MARCHF1: variants seen among roughly 807,000 people sequenced by gnomAD.
The protein encoded by MARCHF1 is E3 ubiquitin-protein ligase MARCHF1.
A neutral mutation model predicts 54.2 loss-of-function variants in MARCHF1; 40 were observed. The observed-to-expected ratio is 0.74, with a 90% CI of 0.57 to 0.96. MARCHF1 has a LOEUF of 0.96. MARCHF1 is among the 40% of genes least tolerant of loss of function. MARCHF1 has a pLI of 0.00. For synonymous variants in MARCHF1, 236 were observed against 236.3 expected, an observed-to-expected ratio of 1.00 and a Z score of 0.01; for missense variants, 586 against 656.5, an observed-to-expected ratio of 0.89 and a Z score of 1.17.
At chr4:164,187,463 G>A (rs189606166) in intron 1 of MARCHF1, among the ~76,000 whole-genome samples, 1 of 152,160 alleles carries the variant, frequency 6.6e-6, no homozygotes, top group East Asian at 1.9e-4. Context: ...CATGTGTATA[G>A]TATCTACCCA....
intron 7 of MARCHF1, among the ~76,000 whole-genome samples, chr4:163,594,628 A>G (rs906560461): frequency 1.3e-5 from 2 of 152,120 alleles, no homozygotes; most frequent in African/African-American, 4.8e-5. Flanking sequence ...ACATTTCTCC[A>G]AAGAAGACAT....
At chr4:163,727,433 C>T (rs1295899354) in intron 4 of MARCHF1, among the ~76,000 whole-genome samples, 6 of 151,816 alleles carry the variant, frequency 4.0e-5, no homozygotes, top group South Asian at 2.1e-4. Flanking sequence ...TCAGCCTCCC[C>T]AGCAGCTGGG....
chr4:163,871,869 T>C (rs1750176658), intron 3 of MARCHF1, among the ~76,000 whole-genome samples: 1 of 152,192 alleles, frequency 6.6e-6, no homozygotes, highest in South Asian at 2.1e-4. Context: ...GCCAAGAAAA[T>C]TTGTTTTAGA....
At chr4:164,045,165 C>T (rs968755178) in intron 2 of MARCHF1, among the ~76,000 whole-genome samples, 3 of 151,672 alleles carry the variant, frequency 2.0e-5, no homozygotes, top group African/African-American at 7.3e-5. Flanking sequence ...TAAAAAAGGG[C>T]CCTCTAAAAA....
intron 7 of MARCHF1, among the ~76,000 whole-genome samples, chr4:163,607,593 T>C (rs1396942583): frequency 6.6e-6 from 1 of 152,078 alleles, no homozygotes; most frequent in African/African-American, 2.4e-5. Flanking sequence ...GGTCTAACAA[T>C]GTGAAGTACA....
Position 163,899,192 on chromosome 4 carries a change from T to C in MARCHF1, c.-38-45023A>G, listed in dbSNP as rs753194293. Among the ~76,000 whole-genome samples the C allele has an allele frequency of 2.6e-5, 4 of 152,324 alleles. No homozygotes were observed. The East Asian group carries it at 7.7e-4, about 29-fold the overall frequency. ...CAAAACAAAATACAAAATGTTTAAA[T>C]AAAAAGTTGTCCATACTCCCTTTTC... On this transcript the variant is annotated intron_variant, in intron 3 of 9. Transcript: ENST00000514618.
At chr4:164,212,088 A>G (rs1439938264) in intron 1 of MARCHF1, among the ~76,000 whole-genome samples, 2 of 151,986 alleles carry the variant, frequency 1.3e-5, no homozygotes, top group Non-Finnish European at 1.5e-5. Context: ...TGATGATGAT[A>G]AAAAATGGAA....
chr4:164,133,611 C>G (rs1018709785), intron 1 of MARCHF1, among the ~76,000 whole-genome samples: 1 of 152,156 alleles, frequency 6.6e-6, no homozygotes, highest in Non-Finnish European at 1.5e-5. Context: ...TACATGAATT[C>G]TAATGACCAA....
chr4:164,341,662 G>A (rs1729935149), intron 1 of MARCHF1, among the ~76,000 whole-genome samples: 1 of 152,166 alleles, frequency 6.6e-6, no homozygotes, highest in Admixed American at 6.5e-5. Context: ...GGGGTGAAGG[G>A]TCTCTTTAGG....
intron 7 of MARCHF1, among the ~76,000 whole-genome samples, chr4:163,598,734 C>T (rs1464325092): frequency 2.6e-5 from 4 of 152,160 alleles, no homozygotes; most frequent in Admixed American, 1.3e-4. Context: ...GGTGAGTAAA[C>T]GTGAAGGCCT....
At chr4:163,678,025 T>C (rs913667851) in intron 5 of MARCHF1, among the ~76,000 whole-genome samples, 1 of 152,156 alleles carries the variant, frequency 6.6e-6, no homozygotes, top group Admixed American at 6.5e-5. Flanking sequence ...AGCAGATAAA[T>C]TGGTGATGGT....
intron 3 of MARCHF1, among the ~76,000 whole-genome samples, chr4:163,987,534 G>A (rs1428647246): frequency 2.6e-5 from 4 of 151,916 alleles, no homozygotes; most frequent in Non-Finnish European, 5.9e-5. Flanking sequence ...TTTTTTGTCT[G>A]CTGCTCCCTC....
At chr4:163,834,197 A>T (rs1160454857) in intron 4 of MARCHF1, among the ~76,000 whole-genome samples, 1 of 152,188 alleles carries the variant, frequency 6.6e-6, no homozygotes, top group Non-Finnish European at 1.5e-5. Context: ...AAGCATATGA[A>T]AAATCATCTT....
chr4:164,027,618 T>C (rs1430162682), intron 2 of MARCHF1, among the ~76,000 whole-genome samples: 1 of 152,062 alleles, frequency 6.6e-6, no homozygotes, highest in Non-Finnish European at 1.5e-5. Flanking sequence ...ATTAAAGATT[T>C]AAGTGTAAGA....
At chr4:163,632,939 C>G (rs916985318) in intron 5 of MARCHF1, among the ~76,000 whole-genome samples, 2 of 152,026 alleles carry the variant, frequency 1.3e-5, no homozygotes, top group African/African-American at 4.8e-5. Flanking sequence ...GTACCTGACC[C>G]CTGACCCCTG....
intron 1 of MARCHF1, among the ~76,000 whole-genome samples, chr4:164,143,485 T>C (rs28830195): frequency 0.011 from 1,705 of 150,608 alleles, 27 homozygotes; most frequent in African/African-American, 0.036. Context: ...CGGCAGAAAC[T>C]CTACAAGCCA....
intron 1 of MARCHF1, among the ~76,000 whole-genome samples, chr4:164,238,653 T>A (rs1329710316): frequency 6.6e-6 from 1 of 151,156 alleles, no homozygotes; most frequent in Non-Finnish European, 1.5e-5. Context: ...AGTAGCTATA[T>A]TAACATTGAA....
At chr4:164,097,025 G>A (rs13149003) in intron 2 of MARCHF1, among the ~76,000 whole-genome samples, 1 of 151,966 alleles carries the variant, frequency 6.6e-6, no homozygotes, top group Non-Finnish European at 1.5e-5. Flanking sequence ...ACTCTTCATA[G>A]AGAAGTACAG....
chr4:164,142,964 G>C (rs972946227), intron 1 of MARCHF1, among the ~76,000 whole-genome samples: 3 of 152,008 alleles, frequency 2.0e-5, no homozygotes, highest in African/African-American at 7.2e-5. Context: ...AACCAAAACA[G>C]AGAAGAGCTT....
Sources: allele counts gnomAD v4.1 joint callset (sites outside exome capture counted in the v4.1 genomes callset), GRCh38; gene constraint gnomAD v4.1.1; transcripts MANE v1.5; gene names NCBI Gene and HGNC (gene_info 2026-07-23, HGNC 2026-07-21).